The following CCT6B variants were observed in gnomAD, a reference collection of about 807,000 sequenced individuals.
The protein encoded by CCT6B is probable T-complex protein 1 subunit zeta-2.
In CCT6B, 49 loss-of-function variants were observed where a neutral mutation model predicts 61.5. That is an observed-to-expected ratio of 0.80 (90% CI 0.63 to 1.01). CCT6B has a LOEUF of 1.01. Among genes scored for constraint, CCT6B ranks in the 50% least tolerant of loss-of-function variants. The pLI, the probability that CCT6B is intolerant of heterozygous loss-of-function variation, is 0.00. For missense variants in CCT6B, 666 were observed against 634.7 expected (o/e 1.05, Z -0.53); for synonymous variants, 228 against 214.5 (o/e 1.06, Z -0.55).
At chr17:34,951,924 A>G (rs1429322401) in intron 5 of CCT6B, 26 bp downstream of exon 5, 2 of 1,142,356 alleles carry the variant, frequency 1.8e-6, no homozygotes, top group Non-Finnish European at 2.6e-6. Context: ...TAGAACCCAT[A>G]TGTTGTCAAA....
chr17:34,945,339 A>G (rs2090211648), intron 5 of CCT6B, among the ~76,000 whole-genome samples: 1 of 152,202 alleles, frequency 6.6e-6, no homozygotes, highest in Non-Finnish European at 1.5e-5. Context: ...CTCCATATGG[A>G]TGCCTAATAG....
chr17:34,931,280 G>A (rs547727619), intron 11 of CCT6B, among the ~76,000 whole-genome samples: 1 of 151,926 alleles, frequency 6.6e-6, no homozygotes, highest in Non-Finnish European at 1.5e-5. Flanking sequence ...AAATTCTGAG[G>A]ACATCAGAGT....
chr17:34,943,301 T>C (rs534679297), intron 5 of CCT6B: 225 of 155,260 alleles, frequency 1.4e-3, no homozygotes, highest in Non-Finnish European at 2.4e-3. Flanking sequence ...TTCTAAGTTA[T>C]GTGATTCAAA....
At chr17:34,933,986 AG>A (rs1421442738) in intron 10 of CCT6B, among the ~76,000 whole-genome samples, 2 of 151,906 alleles carry the variant, frequency 1.3e-5, no homozygotes, top group East Asian at 3.9e-4. Flanking sequence ...ACAATTAGCC[AG>A]GTTTGGTGGC....
intron 4 of CCT6B, among the ~76,000 whole-genome samples, chr17:34,952,390 C>T (rs1452212547): frequency 3.9e-5 from 6 of 152,250 alleles, no homozygotes; most frequent in East Asian, 3.9e-4. Context: ...AACTGCCCAG[C>T]GACTACTCTT....
chr17:34,939,834 T>C (rs2090140261), intron 8 of CCT6B, 121 bp from the exon 9 acceptor site: 1 of 658,326 alleles, frequency 1.5e-6, no homozygotes, highest in Non-Finnish European at 2.7e-6. Flanking sequence ...TTTGGGTTTT[T>C]AATTGTCTAA....
intron 5 of CCT6B, chr17:34,943,281 C>T (rs2090186889): frequency 6.4e-6 from 1 of 156,484 alleles, no homozygotes; most frequent in Admixed American, 6.5e-5. Context: ...AAAGTCAAGC[C>T]AGAATTATTT....
chr17:34,947,418 G>A (rs540353474), intron 5 of CCT6B, among the ~76,000 whole-genome samples: 76 of 152,162 alleles, frequency 5.0e-4, no homozygotes, highest in African/African-American at 1.8e-3. Context: ...GGTAAATAAA[G>A]GACTCATGGC....
At chr17:34,952,794 A>C (rs1404085481) in intron 4 of CCT6B, among the ~76,000 whole-genome samples, 1 of 152,230 alleles carries the variant, frequency 6.6e-6, no homozygotes, top group African/African-American at 2.4e-5. Flanking sequence ...AAAGCAGAAA[A>C]AACTGTATCT....
intron 5 of CCT6B, among the ~76,000 whole-genome samples, chr17:34,947,796 A>C (rs2090241371): frequency 6.6e-6 from 1 of 152,032 alleles, no homozygotes; most frequent in Admixed American, 6.6e-5. Context: ...AGCCTGGCCA[A>C]CATGGTGAAA....
intron 10 of CCT6B, 43 bp downstream of exon 10, chr17:34,939,140 C>G: frequency 6.7e-7 from 1 of 1,490,716 alleles, no homozygotes; most frequent in Non-Finnish European, 9.3e-7. Context: ...CATATATACA[C>G]ACATATACAT....
rs367966570 is a variant in CCT6B at position 34,930,937 on chromosome 17, T to A, written c.1450+12A>T. 1.4e-6 allele frequency: 2 copies of A among 1,464,688 alleles called. No individual in the cohort carries two copies. The allele number at this position is 1,464,688 out of a possible 1,614,324, so 90.7% of individuals were successfully genotyped here. On this transcript the variant is annotated intron_variant, in intron 12 of 13. Coordinates refer to ENST00000314144, the MANE Select transcript of CCT6B (RefSeq NM_006584.4). ...TCTTTATTAAGCAGCTAATTTTCCT[T>A]CACTTTCTTACCTGTATTCAAATCT...
At chr17:34,949,894 G>T (rs77458148) in intron 5 of CCT6B, among the ~76,000 whole-genome samples, 3,919 of 152,206 alleles carry the variant, frequency 0.026, 71 homozygotes, top group East Asian at 0.097. Flanking sequence ...GGATTAACAG[G>T]ATACCTTGAT....
intron 5 of CCT6B, among the ~76,000 whole-genome samples, chr17:34,945,505 G>A (rs1254494581): frequency 6.6e-6 from 1 of 152,158 alleles, no homozygotes; most frequent in African/African-American, 2.4e-5. Context: ...TTTCTGTCAT[G>A]TCCTATGTTG....
At chr17:34,956,184 C>T (rs764285010) in intron 3 of CCT6B, among the ~76,000 whole-genome samples, 2 of 152,208 alleles carry the variant, frequency 1.3e-5, no homozygotes, top group Non-Finnish European at 2.9e-5. Flanking sequence ...CCTCTCCAGC[C>T]TCTTCTCCAC....
At chr17:34,952,405 T>C (rs926688274) in intron 4 of CCT6B, among the ~76,000 whole-genome samples, 2 of 152,176 alleles carry the variant, frequency 1.3e-5, no homozygotes, top group African/African-American at 4.8e-5. Flanking sequence ...ACTCTTTCTA[T>C]CATACCAAGA....
chr17:34,959,123 CTT>C (rs11374610), intron 2 of CCT6B, among the ~76,000 whole-genome samples: 9 of 102,540 alleles, frequency 8.8e-5, no homozygotes, highest in African/African-American at 2.3e-4. Flanking sequence ...AAAAAAAAAA[CTT>C]TTTTTTTTTT....
intron 10 of CCT6B, among the ~76,000 whole-genome samples, chr17:34,933,263 T>C (rs750891616): frequency 6.6e-6 from 1 of 152,172 alleles, no homozygotes; most frequent in African/African-American, 2.4e-5. Flanking sequence ...TAAGAAAAAA[T>C]TTAAGTGGTA....
At chr17:34,958,110 T>C (rs2090368430) in intron 3 of CCT6B, among the ~76,000 whole-genome samples, 1 of 152,226 alleles carries the variant, frequency 6.6e-6, no homozygotes, top group African/African-American at 2.4e-5. Flanking sequence ...AAGTTCATTA[T>C]TATTTCCATT....
Sources: allele counts gnomAD v4.1 joint callset (sites outside exome capture counted in the v4.1 genomes callset), GRCh38; gene constraint gnomAD v4.1.1; transcripts MANE v1.5; gene names NCBI Gene and HGNC (gene_info 2026-07-23, HGNC 2026-07-21).